CDC14A: variants seen among roughly 807,000 people sequenced by gnomAD.
The protein encoded by CDC14A is dual specificity protein phosphatase CDC14A.
In CDC14A, 53 loss-of-function variants were observed where a neutral mutation model predicts 74.4. The observed-to-expected ratio is 0.71, with a 90% CI of 0.57 to 0.89. The LOEUF (loss-of-function observed/expected upper bound fraction) is 0.89. Among genes scored for constraint, CDC14A ranks in the 40% least tolerant of loss-of-function variants. The pLI is 0.00. For missense variants in CDC14A, 646 were observed against 713.7 expected, an observed-to-expected ratio of 0.91 and a Z score of 1.08; for synonymous variants, 247 against 258.4, an observed-to-expected ratio of 0.96 and a Z score of 0.43.
At chr1:100,426,366 G>A (rs569534851) in intron 5 of CDC14A, among the ~76,000 whole-genome samples, 6 of 152,210 alleles carry the variant, frequency 3.9e-5, no homozygotes, top group Non-Finnish European at 7.4e-5. Flanking sequence ...ACTTGCATCA[G>A]CCTCCCAAAG....
chr1:100,418,481 A>T (rs1427172167), intron 4 of CDC14A, among the ~76,000 whole-genome samples: 1 of 152,170 alleles, frequency 6.6e-6, no homozygotes, highest in Non-Finnish European at 1.5e-5. Flanking sequence ...AGGAAAAATG[A>T]CAAATTTACC....
At chr1:100,480,191 A>G (rs1345401858) in intron 10 of CDC14A, among the ~76,000 whole-genome samples, 1 of 152,122 alleles carries the variant, frequency 6.6e-6, no homozygotes, top group Non-Finnish European at 1.5e-5. Context: ...CCTCTATTCT[A>G]CTTTCTGACA....
chr1:100,435,186 T>C (rs376908402), intron 5 of CDC14A, among the ~76,000 whole-genome samples: 1 of 152,312 alleles, frequency 6.6e-6, no homozygotes, highest in African/African-American at 2.4e-5. Context: ...GTTTGACTTT[T>C]AAAGACTGGG....
intron 4 of CDC14A, among the ~76,000 whole-genome samples, chr1:100,420,502 A>G (rs988345604): frequency 6.6e-6 from 1 of 152,142 alleles, no homozygotes; most frequent in African/African-American, 2.4e-5. Flanking sequence ...TCCTCTATAA[A>G]ATTAGTACAG....
intron 3 of CDC14A, 48 bp from the exon 4 acceptor site, chr1:100,390,684 A>G: frequency 8.2e-7 from 1 of 1,219,100 alleles, no homozygotes; most frequent in Non-Finnish European, 1.2e-6. Flanking sequence ...TGTATATGTT[A>G]ACTTTGTCTC....
In CDC14A at chr1:100,491,572, ATTTT is replaced by A. The variant is rs59429516; in HGVS notation, c.1138-3226_1138-3223del. 4.6e-3 allele frequency among the ~76,000 whole-genome samples: 115 copies of A among 25,060 alleles called. 1 individual carries two copies. Among genetic ancestry groups the A allele is most frequent in the South Asian group, 6.7e-3 (4 of 598 alleles). 16.4% of individuals were successfully genotyped at this position (25,060 alleles called of 152,430 possible). ...TCTATATATATATATATATATATAT[ATTTT>A]TTTTTTTTTTTTTTTTTTTGAGACA... On this transcript the variant is annotated intron_variant, in intron 11 of 15. Transcript: ENST00000336454.
chr1:100,494,744 A>G, intron 11 of CDC14A, 74 bp from the exon 12 acceptor site: 1 of 715,158 alleles, frequency 1.4e-6, no homozygotes, highest in Non-Finnish European at 2.5e-6. Flanking sequence ...AAATGTATCT[A>G]TATATGTAGT....
rs758252074 is a variant in CDC14A, at chr1:100,443,502, AT to A, written c.519+521del. Among the ~76,000 whole-genome samples, 1,113 of 141,794 alleles carry A rather than the reference AT, an allele frequency of 7.8e-3. 4 individuals carry two copies. The highest frequency in any genetic ancestry group is 0.014 in the African/African-American group (524 of 38,778). The allele number at this position is 141,794 out of a possible 152,430, so 93.0% of individuals were successfully genotyped here. On this transcript the variant is annotated intron_variant, in intron 7 of 15. Coordinates refer to ENST00000336454, the MANE Select transcript of CDC14A (RefSeq NM_003672.4). Reference sequence around the variant, plus strand: ...AGGTGCATGCCACCATGTCTGGCTAATTTTTTTTTTTTTTTAAAGACAGGAT... The same window carrying A: ...AGGTGCATGCCACCATGTCTGGCTAATTTTTTTTTTTTTTAAAGACAGGAT...
chr1:100,390,622 A>G, intron 3 of CDC14A, 110 bp from the exon 4 acceptor site: 2 of 672,772 alleles, frequency 3.0e-6, no homozygotes, highest in South Asian at 3.7e-5. Context: ...AAAGTTGTTA[A>G]ATTTTATGGG....
chr1:100,491,568 A>ATTTT (rs1255539504), intron 11 of CDC14A, among the ~76,000 whole-genome samples: 16 of 76,588 alleles, frequency 2.1e-4, no homozygotes, highest in African/African-American at 8.6e-4. Flanking sequence ...ATATATATAT[A>ATTTT]TATATTTTTT....
At chr1:100,364,543 A>G (rs896864033) in intron 2 of CDC14A, among the ~76,000 whole-genome samples, 1 of 151,886 alleles carries the variant, frequency 6.6e-6, no homozygotes, top group Non-Finnish European at 1.5e-5. Flanking sequence ...TAGAGTAATT[A>G]TTTTCCTTTT....
chr1:100,390,221 G>T (rs753879599), intron 3 of CDC14A, among the ~76,000 whole-genome samples: 3 of 152,102 alleles, frequency 2.0e-5, no homozygotes, highest in Non-Finnish European at 4.4e-5. Flanking sequence ...AGTATTTTCA[G>T]ATATTAAAAG....
intron 15 of CDC14A, among the ~76,000 whole-genome samples, chr1:100,509,243 T>A (rs1649496855): frequency 6.6e-6 from 1 of 152,204 alleles, no homozygotes; most frequent in South Asian, 2.1e-4. Context: ...TGTGAAGCCT[T>A]CCTTAATCTC....
chr1:100,451,143 C>T (rs1459716487), intron 7 of CDC14A, among the ~76,000 whole-genome samples: 1 of 152,226 alleles, frequency 6.6e-6, no homozygotes, highest in Admixed American at 6.5e-5. Flanking sequence ...TAAGTGCATC[C>T]AGTTCCAAGT....
At chr1:100,413,601 A>T (rs556562051) in intron 4 of CDC14A, among the ~76,000 whole-genome samples, 3 of 152,232 alleles carry the variant, frequency 2.0e-5, no homozygotes, top group Non-Finnish European at 4.4e-5. Flanking sequence ...TAAAGTTGCC[A>T]TAAGTACATG....
chr1:100,452,569 G>A (rs1215421872), intron 7 of CDC14A, among the ~76,000 whole-genome samples: 2 of 152,186 alleles, frequency 1.3e-5, no homozygotes, highest in Non-Finnish European at 2.9e-5. Flanking sequence ...TATTTTGAGT[G>A]CACCAGGAGA....
intron 7 of CDC14A, among the ~76,000 whole-genome samples, chr1:100,444,187 G>C (rs1404223640): frequency 6.6e-6 from 1 of 152,190 alleles, no homozygotes; most frequent in African/African-American, 2.4e-5. Flanking sequence ...AACCTAGTGA[G>C]TATTCGGATC....
Position 100,484,200 on chromosome 1 carries a change from C to A in CDC14A, c.978-92C>A. The A allele has an allele frequency of 1.1e-5, 7 of 619,404 alleles. No individual in the cohort carries two copies. The South Asian group carries it at 2.4e-4, about 21-fold the overall frequency. The allele number at this position is 619,404 out of a possible 1,614,324, so 38.4% of individuals were successfully genotyped here. ...TAAATGCTTATTTGCTAAATCTTTT[C>A]CTTTATAAGACATCATACCTTTGAG... On this transcript the variant is annotated intron_variant, in intron 10 of 15. Transcript: ENST00000336454.
intron 6 of CDC14A, 74 bp downstream of exon 6, chr1:100,440,072 C>T: frequency 9.0e-7 from 1 of 1,116,136 alleles, no homozygotes; most frequent in East Asian, 2.4e-5. Context: ...TCTCAACATC[C>T]TTATTTGTTA....
Sources: gnomAD v4.1 joint callset for allele counts (sites outside exome capture counted in the v4.1 genomes callset) on GRCh38, gnomAD v4.1.1 for gene constraint, MANE v1.5 for transcripts, NCBI Gene and HGNC (gene_info 2026-07-23, HGNC 2026-07-21) for gene names.